Variants in NOPCHAP1 observed in about 807,000 individuals in gnomAD.
NOPCHAP1 encodes DNA damage-sensitive RNA 1.
Under a neutral mutation model 14.0 loss-of-function variants are expected in NOPCHAP1, and 13 were observed. The ratio of observed to expected loss-of-function variants is 0.93; its 90% confidence interval spans 0.60 to 1.47. The LOEUF (loss-of-function observed/expected upper bound fraction) is 1.47. NOPCHAP1 is among the 40% of genes most tolerant of loss of function. NOPCHAP1 has a pLI of 0.00. For synonymous variants in NOPCHAP1, 78 were observed against 78.4 expected (o/e 1.00, Z 0.03); for missense variants, 230 against 226.9 (o/e 1.01, Z -0.09).
chr12:104,993,416 C>A lies in NOPCHAP1; in HGVS notation c.340-1062C>A, dbSNP rs892396422. ...TTTCAGGTGCACCTGGATCCAGGTG[C>A]TCAGTGTCCTCAGTGGTCAGCCGCT... On this transcript the variant is annotated intron_variant, in intron 3 of 3. Transcript: ENST00000552951. 4.6e-5 allele frequency among the ~76,000 whole-genome samples: 7 copies of A among 152,218 alleles called. 1 individual carries two copies. Among genetic ancestry groups the A allele is most frequent in the Admixed American group, 1.3e-4 (2 of 15,302 alleles).
chr12:104,990,365 A>C (rs1026462354), intron 2 of NOPCHAP1, among the ~76,000 whole-genome samples: 1 of 152,218 alleles, frequency 6.6e-6, no homozygotes, highest in African/African-American at 2.4e-5. Context: ...CTGTAGCAAT[A>C]TATTTAAATC....
rs1873541970 is a variant in NOPCHAP1, at chr12:104,998,588, A to T, written c.*3892A>T. On this transcript the variant is annotated 3_prime_UTR_variant, in exon 4 of 4. Transcript: ENST00000552951. Reference sequence around the variant, plus strand: ...AAGATATTTCTGGACCACTGGTCAGAACACTTCAATGGGTGGTGCCAGCCA... The same window carrying T: ...AAGATATTTCTGGACCACTGGTCAGTACACTTCAATGGGTGGTGCCAGCCA... 6.6e-6 allele frequency: 1 copy of T among 152,312 alleles called. No homozygotes were observed. The highest frequency in any genetic ancestry group is 2.1e-4 in the South Asian group (1 of 4,834). 9.4% of individuals were successfully genotyped at this position (152,312 alleles called of 1,614,324 possible).
intron 2 of NOPCHAP1, among the ~76,000 whole-genome samples, chr12:104,991,312 C>T (rs1285988702): frequency 1.3e-5 from 2 of 152,110 alleles, no homozygotes; most frequent in African/African-American, 4.8e-5. Context: ...CAGAAATAAC[C>T]ACTACTTAAT....
At chr12:104,990,538 C>T (rs575023980) in intron 2 of NOPCHAP1, among the ~76,000 whole-genome samples, 31 of 152,286 alleles carry the variant, frequency 2.0e-4, no homozygotes, top group Middle Eastern at 3.4e-3. Flanking sequence ...GTCTACTTGA[C>T]CTTGGCCACT....
Position 105,016,077 on chromosome 12 carries a change from T to G in NOPCHAP1, c.*21381T>G, listed in dbSNP as rs1404647888. On this transcript the variant is annotated 3_prime_UTR_variant, in exon 4 of 4. Transcript: ENST00000552951. ...ATTCATCCCCATAAATATTAAAAACTAGTGTGTTGCAAATAAATTCAAAAG... is the reference window on the plus strand; with the variant it reads ...ATTCATCCCCATAAATATTAAAAACGAGTGTGTTGCAAATAAATTCAAAAG... 6.6e-6 allele frequency: 1 copy of G among 150,464 alleles called. No individual in the cohort carries two copies. The highest frequency in any genetic ancestry group is 6.6e-5 in the Admixed American group (1 of 15,080). The allele number at this position is 150,464 out of a possible 1,614,324, so 9.3% of individuals were successfully genotyped here. A position where few individuals can be genotyped will look rare whatever the true frequency, so the allele number is the denominator to read the frequency against.
At chr12:104,988,717 A>T (rs1873304643) in intron 2 of NOPCHAP1, among the ~76,000 whole-genome samples, 1 of 152,204 alleles carries the variant, frequency 6.6e-6, no homozygotes, top group Admixed American at 6.5e-5. Context: ...ACTTTATTAC[A>T]CGAATGCCCT....
rs1873687935 is a variant in NOPCHAP1, at chr12:105,005,479, A to G, written c.*10783A>G. On this transcript the variant is annotated 3_prime_UTR_variant, in exon 4 of 4. Transcript: ENST00000552951. Reference sequence around the variant, plus strand: ...GGCTGAAGTGAAGTTACAGAGTTACACCCTATGCAAACATCTGATTGGTTG... The same window carrying G: ...GGCTGAAGTGAAGTTACAGAGTTACGCCCTATGCAAACATCTGATTGGTTG... 1 of 152,226 alleles carries G rather than the reference A, an allele frequency of 6.6e-6. No individual in the cohort carries two copies. Among genetic ancestry groups the G allele is most frequent in the Non-Finnish European group, 1.5e-5 (1 of 68,062 alleles). 9.4% of individuals were successfully genotyped at this position (152,226 alleles called of 1,614,324 possible).
rs1486950977 is a variant in NOPCHAP1, at chr12:105,014,683, A to G, written c.*19987A>G. 6.6e-6 allele frequency: 1 copy of G among 151,854 alleles called. No homozygotes were observed. 9.4% of individuals were successfully genotyped at this position (151,854 alleles called of 1,614,324 possible). A position where few individuals can be genotyped will look rare whatever the true frequency, so the allele number is the denominator to read the frequency against. ...GTTGATTTTTTTTTTTTTGTAAAGC[A>G]AAACTTCTTATCTCAGCTATTAAAA... On this transcript the variant is annotated 3_prime_UTR_variant, in exon 4 of 4. Coordinates refer to ENST00000552951, the MANE Select transcript of NOPCHAP1 (RefSeq NM_152318.3).
Position 105,004,349 on chromosome 12 carries a change from T to C in NOPCHAP1, c.*9653T>C, listed in dbSNP as rs953917542. ...ACTTTGGGAGGCCAAGGTGGGCAGA[T>C]CACGAGGTCAGGAGTTTGAGACCTG... On this transcript the variant is annotated 3_prime_UTR_variant, in exon 4 of 4. Coordinates refer to ENST00000552951, the MANE Select transcript of NOPCHAP1 (RefSeq NM_152318.3). The C allele has an allele frequency of 6.6e-6, 1 of 152,162 alleles. No individual in the cohort carries two copies. 9.4% of individuals were successfully genotyped at this position (152,162 alleles called of 1,614,324 possible).
chr12:105,014,386 A>G lies in NOPCHAP1; in HGVS notation c.*19690A>G, dbSNP rs966299734. On this transcript the variant is annotated 3_prime_UTR_variant, in exon 4 of 4. Coordinates refer to ENST00000552951, the MANE Select transcript of NOPCHAP1 (RefSeq NM_152318.3). ...TAATTTTTTTTAAGCCATGCAGTTC[A>G]TCTGTGAATTTTTTCAAATTGTCAC... 6.6e-6 allele frequency: 1 copy of G among 152,180 alleles called. No homozygotes were observed. Among genetic ancestry groups the G allele is most frequent in the Non-Finnish European group, 1.5e-5 (1 of 68,034 alleles). The allele number at this position is 152,180 out of a possible 1,614,324, so 9.4% of individuals were successfully genotyped here. A position where few individuals can be genotyped will look rare whatever the true frequency, so the allele number is the denominator to read the frequency against.
At position 104,996,151 on chromosome 12, in the gene NOPCHAP1, T is replaced by C. The variant is rs1212284741; in HGVS notation, c.*1455T>C. Reference sequence around the variant, plus strand: ...TGCCAAATAGCAAGATCCTAACCAGTGGGGAGCAAAATGGAGTAAGCATAT... The same window carrying C: ...TGCCAAATAGCAAGATCCTAACCAGCGGGGAGCAAAATGGAGTAAGCATAT... On this transcript the variant is annotated 3_prime_UTR_variant, in exon 4 of 4. Transcript: ENST00000552951. 1.3e-5 allele frequency: 2 copies of C among 152,030 alleles called. No individual in the cohort carries two copies. The highest frequency in any genetic ancestry group is 3.9e-4 in the East Asian group (2 of 5,182). 9.4% of individuals were successfully genotyped at this position (152,030 alleles called of 1,614,324 possible).
At position 104,996,635 on chromosome 12, in the gene NOPCHAP1, TTGG is replaced by T. The variant is rs1272290090; in HGVS notation, c.*1941_*1943del. The T allele has an allele frequency of 6.6e-6, 1 of 152,226 alleles. No individual in the cohort carries two copies. Among genetic ancestry groups the T allele is most frequent in the African/African-American group, 2.4e-5 (1 of 41,458 alleles). The allele number at this position is 152,226 out of a possible 1,614,324, so 9.4% of individuals were successfully genotyped here. On this transcript the variant is annotated 3_prime_UTR_variant, in exon 4 of 4. Coordinates refer to ENST00000552951, the MANE Select transcript of NOPCHAP1 (RefSeq NM_152318.3). ...CATGTGGTATTTTTCTGTTCCTGTGTTGGTTGCTTAGGTCCTGATCATCTGTGT... is the reference window on the plus strand; with the variant it reads ...CATGTGGTATTTTTCTGTTCCTGTGTTTGCTTAGGTCCTGATCATCTGTGT...
rs777075411 is a variant in NOPCHAP1, at chr12:104,994,618, C to T, written c.480C>T (p.Asn160=). Residue 160 remains asparagine (N), a synonymous_variant, in exon 4 of 4, where the codon AAC becomes AAT. Transcript: ENST00000552951. ...DSIPSEVTID[N]IKLPNSEGGK... ...TCCCATCTGAAGTCACCATAGATAA[C>T]ATTAAGCTTCCCAATTCTGAAGGTG... 6.2e-7 allele frequency: 1 copy of T among 1,613,862 alleles called. No homozygotes were observed. The highest frequency in any genetic ancestry group is 2.2e-5 in the East Asian group (1 of 44,864).
chr12:105,008,822 G>A lies in NOPCHAP1; in HGVS notation c.*14126G>A, dbSNP rs1416793434. On this transcript the variant is annotated 3_prime_UTR_variant, in exon 4 of 4. Coordinates refer to ENST00000552951, the MANE Select transcript of NOPCHAP1 (RefSeq NM_152318.3). ...GTGTGGTATTATTTCTGAGGCCTCT[G>A]TTCTGTTCTGTTGGCCTGTATATCT... 1.3e-5 allele frequency: 2 copies of A among 152,144 alleles called. No homozygotes were observed. The highest frequency in any genetic ancestry group is 1.3e-4 in the Admixed American group (2 of 15,270). The allele number at this position is 152,144 out of a possible 1,614,324, so 9.4% of individuals were successfully genotyped here.
chr12:105,016,646 C>T lies in NOPCHAP1; in HGVS notation c.*21950C>T, dbSNP rs1873952816. Reference sequence around the variant, plus strand: ...GTAGGGGAGCTCCCCTTTATAAAACCATCAGACCTGGTGAGACTTATTCAC... The same window carrying T: ...GTAGGGGAGCTCCCCTTTATAAAACTATCAGACCTGGTGAGACTTATTCAC... On this transcript the variant is annotated 3_prime_UTR_variant, in exon 4 of 4. Coordinates refer to ENST00000552951, the MANE Select transcript of NOPCHAP1 (RefSeq NM_152318.3). 6.6e-6 allele frequency: 1 copy of T among 152,068 alleles called. No homozygotes were observed. Among genetic ancestry groups the T allele is most frequent in the South Asian group, 2.1e-4 (1 of 4,816 alleles). 9.4% of individuals were successfully genotyped at this position (152,068 alleles called of 1,614,324 possible). A position where few individuals can be genotyped will look rare whatever the true frequency, so the allele number is the denominator to read the frequency against.
chr12:104,991,796 G>T lies in NOPCHAP1; in HGVS notation c.287G>T (p.Gly96Val). 6.2e-7 allele frequency: 1 copy of T among 1,613,232 alleles called. No individual in the cohort carries two copies. Among genetic ancestry groups the T allele is most frequent in the Non-Finnish European group, 8.5e-7 (1 of 1,179,818 alleles). Residue 96 changes from glycine to valine, a missense_variant, in exon 3 of 4, where the codon GGT becomes GTT. Transcript: ENST00000552951. ...AAAGAAATGGCAGCTGCACCACCTG[G>T]TCGTTTCAATATTGAAAACATTGAT... ...LRKEMAAAPP[G>V]RFNIENIDGP...
rs1311710767 is a variant in NOPCHAP1, at chr12:105,010,172, G to A, written c.*15476G>A. ...TTATTGGTCTATTCAGGGATTCAACGTTTTCCTGGTTTAATCTTGGGAGAG... is the reference window on the plus strand; with the variant it reads ...TTATTGGTCTATTCAGGGATTCAACATTTTCCTGGTTTAATCTTGGGAGAG... On this transcript the variant is annotated 3_prime_UTR_variant, in exon 4 of 4. Transcript: ENST00000552951. 6.6e-6 allele frequency: 1 copy of A among 151,932 alleles called. No homozygotes were observed. The highest frequency in any genetic ancestry group is 1.5e-5 in the Non-Finnish European group (1 of 67,946). The allele number at this position is 151,932 out of a possible 1,614,324, so 9.4% of individuals were successfully genotyped here. A position where few individuals can be genotyped will look rare whatever the true frequency, so the allele number is the denominator to read the frequency against.
intron 2 of NOPCHAP1, among the ~76,000 whole-genome samples, chr12:104,989,345 G>T (rs1873323693): frequency 6.6e-6 from 1 of 152,176 alleles, no homozygotes; most frequent in South Asian, 2.1e-4. Flanking sequence ...GTGTGTCTGA[G>T]AAAGTATTTT....
chr12:104,992,649 G>A (rs1397993019), intron 3 of NOPCHAP1, among the ~76,000 whole-genome samples: 2 of 152,192 alleles, frequency 1.3e-5, no homozygotes, highest in Non-Finnish European at 2.9e-5. Context: ...TAGGAAGCAG[G>A]TCGCACAGCA....
Sources: gnomAD v4.1 joint callset for allele counts (sites outside exome capture counted in the v4.1 genomes callset) on GRCh38, gnomAD v4.1.1 for gene constraint, MANE v1.5 for transcripts, NCBI Gene and HGNC (gene_info 2026-07-23, HGNC 2026-07-21) for gene names.